The following LDAH variants were observed in gnomAD, a reference collection of about 807,000 sequenced individuals.
LDAH encodes lipid droplet-associated hydrolase.
In LDAH, 26 loss-of-function variants were observed where a neutral mutation model predicts 29.6. That is an observed-to-expected ratio of 0.88 (90% CI 0.64 to 1.22). The LOEUF is 1.22. Among genes scored for constraint, LDAH ranks in the 50% most tolerant of loss-of-function variants. The probability of loss-of-function intolerance (pLI) is 0.00; values close to 1 mark genes in which losing one functional copy is unlikely to be tolerated. For missense variants in LDAH, 344 were observed against 387.3 expected (o/e 0.89, Z 0.94); for synonymous variants, 117 against 133.0 (o/e 0.88, Z 0.83).
At chr2:20,777,029 C>T (rs969739167) in intron 3 of LDAH, among the ~76,000 whole-genome samples, 7 of 152,180 alleles carry the variant, frequency 4.6e-5, no homozygotes, top group African/African-American at 1.7e-4. Context: ...GATAATAATG[C>T]TAGCCTCCAA....
intron 5 of LDAH, among the ~76,000 whole-genome samples, chr2:20,737,420 A>G (rs1023467946): frequency 6.6e-6 from 1 of 152,210 alleles, no homozygotes; most frequent in African/African-American, 2.4e-5. Context: ...GAAAATGACA[A>G]AAAGCAACAA....
chr2:20,713,907 C>T (rs1572456444), intron 5 of LDAH, among the ~76,000 whole-genome samples: 2 of 152,154 alleles, frequency 1.3e-5, no homozygotes, highest in Non-Finnish European at 2.9e-5. Flanking sequence ...TACAAAGAGA[C>T]TTAGACTCCC....
At chr2:20,738,378 G>A (rs1160689037) in intron 5 of LDAH, among the ~76,000 whole-genome samples, 1 of 146,788 alleles carries the variant, frequency 6.8e-6, no homozygotes, top group African/African-American at 2.7e-5. Context: ...ATATATATAA[G>A]CATTGTACCT....
At chr2:20,801,712 G>A (rs1033072202) in intron 1 of LDAH, among the ~76,000 whole-genome samples, 6 of 151,846 alleles carry the variant, frequency 4.0e-5, no homozygotes, top group African/African-American at 1.2e-4. Context: ...ACTATAGAGG[G>A]GTTTGAGTCA....
chr2:20,757,269 C>G (rs1668402260), intron 4 of LDAH, among the ~76,000 whole-genome samples: 1 of 152,072 alleles, frequency 6.6e-6, no homozygotes, highest in African/African-American at 2.4e-5. Context: ...AAGGAAAAAC[C>G]TGGGAATTGT....
At chr2:20,683,737 A>C (rs551489238), downstream of LDAH, among the ~76,000 whole-genome samples, 186 of 152,332 alleles carry the variant, frequency 1.2e-3, 2 homozygotes, top group Middle Eastern at 3.4e-3. Flanking sequence ...AGAGAAGAGA[A>C]ATGAAAGGAA....
intron 1 of LDAH, among the ~76,000 whole-genome samples, chr2:20,822,812 G>A (rs1268716738): frequency 1.3e-5 from 2 of 152,184 alleles, no homozygotes; most frequent in East Asian, 3.9e-4. Flanking sequence ...TACCGCGCTC[G>A]GGTGAGCGAC....
chr2:20,685,140 C>A lies in LDAH; in HGVS notation c.*1763G>T. ...TAAGAATGAGTATCTTTCTTAGGCT[C>A]TAAAAACCAGAAATAAGACACAATT... is the stretch of plus-strand genomic sequence containing the variant. On this transcript the variant is annotated 3_prime_UTR_variant, in exon 7 of 7. Transcript: ENST00000237822. 1 of 560,276 alleles carries A rather than the reference C, an allele frequency of 1.8e-6. No individual in the cohort carries two copies. Among genetic ancestry groups the A allele is most frequent in the Non-Finnish European group, 2.9e-6 (1 of 347,050 alleles). 34.7% of individuals were successfully genotyped at this position (560,276 alleles called of 1,614,324 possible).
At chr2:20,717,535 A>G (rs1291728561) in intron 5 of LDAH, among the ~76,000 whole-genome samples, 1 of 152,234 alleles carries the variant, frequency 6.6e-6, no homozygotes, top group Non-Finnish European at 1.5e-5. Flanking sequence ...TTCCAATATG[A>G]TATATGCTGG....
At chr2:20,748,638 AC>A (rs1050623795) in intron 4 of LDAH, among the ~76,000 whole-genome samples, 1 of 152,192 alleles carries the variant, frequency 6.6e-6, no homozygotes, top group African/African-American at 2.4e-5. Flanking sequence ...CTGCAGTACA[AC>A]TATCTCTTAG....
chr2:20,714,570 T>G (rs1665016338), intron 5 of LDAH, among the ~76,000 whole-genome samples: 1 of 152,050 alleles, frequency 6.6e-6, no homozygotes, highest in Admixed American at 6.5e-5. Context: ...AAAAAACCCT[T>G]CAAAAAATCA....
Position 20,756,188 on chromosome 2 carries a change from C to G in LDAH, c.469-15983G>C, listed in dbSNP as rs536338074. On this transcript the variant is annotated intron_variant, in intron 4 of 6. Coordinates refer to ENST00000237822, the MANE Select transcript of LDAH (RefSeq NM_021925.4). ...TAGCCAGGATTACAAGTGTGCGCCA[C>G]CATGCCCAGCTAATTTTTGTATTTT... is the stretch of plus-strand genomic sequence containing the variant. 3.3e-5 allele frequency among the ~76,000 whole-genome samples: 5 copies of G among 152,214 alleles called. No homozygotes were observed. The East Asian group carries it at 9.6e-4, about 29-fold the overall frequency.
chr2:20,688,993 C>A (rs533648010), intron 6 of LDAH, among the ~76,000 whole-genome samples: 1 of 152,098 alleles, frequency 6.6e-6, no homozygotes, highest in South Asian at 2.1e-4. Flanking sequence ...TCCCCTACCC[C>A]CCATCCCCTA....
At chr2:20,784,408 AAAT>A in intron 3 of LDAH, among the ~76,000 whole-genome samples, 1 of 152,274 alleles carries the variant, frequency 6.6e-6, no homozygotes, top group South Asian at 2.1e-4. Flanking sequence ...CTGTATCTCT[AAAT>A]AAATAAATAA....
At chr2:20,715,042 A>G (rs1572459189) in intron 5 of LDAH, among the ~76,000 whole-genome samples, 2 of 152,226 alleles carry the variant, frequency 1.3e-5, no homozygotes, top group Non-Finnish European at 2.9e-5. Flanking sequence ...TGAGGTCAAC[A>G]TCATCCTGAT....
intron 2 of LDAH, among the ~76,000 whole-genome samples, chr2:20,792,946 A>C (rs1671074550): frequency 1.3e-5 from 2 of 152,180 alleles, no homozygotes; most frequent in Non-Finnish European, 2.9e-5. Context: ...TAAATAAATA[A>C]ATAAAACAAA....
At position 20,793,017 on chromosome 2, in the gene LDAH, T is replaced by C. The variant is rs57175631; in HGVS notation, c.155-2619A>G. On this transcript the variant is annotated intron_variant, in intron 2 of 6. Coordinates refer to ENST00000237822, the MANE Select transcript of LDAH (RefSeq NM_021925.4). Reference sequence around the variant, plus strand: ...TTAAGCTTTCTGATCCACAATTTTATCATCATCAAGTAAATGATGATGCCA... The same window carrying C: ...TTAAGCTTTCTGATCCACAATTTTACCATCATCAAGTAAATGATGATGCCA... Among the ~76,000 whole-genome samples the C allele has an allele frequency of 6.5e-3, 993 of 152,290 alleles. 13 individuals are homozygous for C. The highest frequency in any genetic ancestry group is 0.022 in the African/African-American group (931 of 41,568).
chr2:20,768,708 G>A (rs1406956980), intron 4 of LDAH, among the ~76,000 whole-genome samples: 2 of 152,166 alleles, frequency 1.3e-5, no homozygotes, highest in African/African-American at 4.8e-5. Context: ...ACACCCCAAA[G>A]ATCCTGTAAC....
At chr2:20,722,755 T>G (rs1665751100) in intron 5 of LDAH, among the ~76,000 whole-genome samples, 1 of 152,162 alleles carries the variant, frequency 6.6e-6, no homozygotes, top group South Asian at 2.1e-4. Flanking sequence ...CTCAAAATAT[T>G]TTTTAGAAAA....
Sources: allele counts gnomAD v4.1 joint callset (sites outside exome capture counted in the v4.1 genomes callset), GRCh38; gene constraint gnomAD v4.1.1; transcripts MANE v1.5; gene names NCBI Gene and HGNC (gene_info 2026-07-23, HGNC 2026-07-21).